Variants in ACTN3 observed in about 807,000 individuals in gnomAD.
ACTN3 encodes the protein alpha-actinin-3.
A neutral mutation model predicts 119.6 loss-of-function variants in ACTN3; 91 were observed. The ratio of observed to expected loss-of-function variants is 0.76; its 90% confidence interval spans 0.64 to 0.91. The LOEUF is 0.91. Among genes scored for constraint, ACTN3 ranks in the 40% least tolerant of loss-of-function variants. The probability of loss-of-function intolerance (pLI) is 0.00; values close to 1 mark genes in which losing one functional copy is unlikely to be tolerated. For synonymous variants in ACTN3, 456 were observed against 478.8 expected (o/e 0.95, Z 0.62); for missense variants, 1,221 against 1,215.1 (o/e 1.00, Z -0.07).
chr11:66,547,394 AGG>A (rs112895239), intron 1 of ACTN3, among the ~76,000 whole-genome samples: 5,733 of 152,054 alleles, frequency 0.038, 329 homozygotes, highest in East Asian at 0.14. Flanking sequence ...GATCCAAGTT[AGG>A]GGGGGTTCAG....
At position 66,559,365 on chromosome 11, in the gene ACTN3, C is replaced by T; in HGVS notation, c.1406C>T (p.Ala469Val). 7 of 1,552,812 alleles carry T rather than the reference C, an allele frequency of 4.5e-6. No homozygotes were observed. Among genetic ancestry groups the T allele is most frequent in the South Asian group, 1.2e-5 (1 of 84,080 alleles). ...CACCAGGACCGCGTGGAGCACATTG[C>T]CGCGCTGGCCCAGGAGCTCAAGTAG... is the stretch of plus-strand genomic sequence containing the variant. ...AAHQDRVEHI[A>V]ALAQELNELD... The change falls in exon 12 of 21, where the codon GCC becomes GTC. Residue 469 changes from alanine (A) to valine (V), a missense_variant. Physicochemically the swap from Ala to Val is moderately conservative, Grantham distance 64. Coordinates refer to ENST00000513398, the MANE Select transcript of ACTN3 (RefSeq NM_001104.4).
chr11:66,562,265 T>G lies in ACTN3; in HGVS notation c.2331T>G (p.Asn777Lys), dbSNP rs1857796559. 1 of 1,613,692 alleles carries G rather than the reference T, an allele frequency of 6.2e-7. No individual in the cohort carries two copies. Among genetic ancestry groups the G allele is most frequent in the Non-Finnish European group, 8.5e-7 (1 of 1,179,820 alleles). The change falls in exon 19 of 21, where the codon AAT becomes AAG. Residue 777 changes from asparagine (N) to lysine (K), a missense_variant. Physicochemically the swap from Asn to Lys is moderately conservative, Grantham distance 94. Around this residue, in one of 3 missense-constraint regions of ACTN3, gnomAD observed 934 missense variants for 899.9 expected, o/e 1.04. Transcript: ENST00000513398. ...CCACTCACCCCCTACAGAAGCAGAA[T>G]GGGATGATGGAGCCTGATGACTTCC... ...ASFNHFDRKQ[N>K]GMMEPDDFRA... is the part of the protein sequence containing the mutation.
chr11:66,555,471 ACCACCC>A, intron 7 of ACTN3, 104 bp downstream of exon 7: 1 of 1,119,634 alleles, frequency 8.9e-7, no homozygotes, highest in Non-Finnish European at 1.3e-6. Context: ...GGATGCTCCG[ACCACCC>A]CCACCCCACT....
At chr11:66,560,100 G>A (rs779173574) in intron 13 of ACTN3, 24 bp downstream of exon 13, 130 of 1,549,442 alleles carry the variant, frequency 8.4e-5, no homozygotes, top group Non-Finnish European at 1.1e-4. Flanking sequence ...CCGGGGAGCT[G>A]GGGGGTGGGT....
upstream of ACTN3, chr11:66,546,888 C>T (rs758220151): frequency 1.3e-5 from 19 of 1,515,874 alleles, no homozygotes; most frequent in African/African-American, 1.2e-4. Flanking sequence ...TAATGGGGCC[C>T]GGGTGTCCGA....
intron 8 of ACTN3, among the ~76,000 whole-genome samples, chr11:66,556,922 G>A (rs963842408): frequency 5.9e-5 from 9 of 152,046 alleles, no homozygotes; most frequent in East Asian, 3.9e-4. Context: ...CACCACGCCC[G>A]GCCAATTTTT....
Position 66,555,286 on chromosome 11 carries a change from G to A in ACTN3, c.637G>A (p.Asp213Asn), listed in dbSNP as rs1381590156. The A allele has an allele frequency of 6.2e-6, 10 of 1,613,872 alleles. No homozygotes were observed. Among genetic ancestry groups the A allele is most frequent in the Non-Finnish European group, 8.5e-6 (10 of 1,179,942 alleles). The change falls in exon 7 of 21, where the codon GAT (aspartate) becomes AAT (asparagine). Residue 213 changes from aspartate to asparagine, a missense_variant and splice_region_variant. Asp to Asn is a conservative substitution (Grantham distance 23, BLOSUM62 1). Coordinates refer to ENST00000513398, the MANE Select transcript of ACTN3 (RefSeq NM_001104.4). ...ACCCTCCTCCCTTACACCCTTCTAG[G>A]ATGACCCCATCGGAAACCTGAACAC... is the stretch of plus-strand genomic sequence containing the variant. ...DLIDYAKLRKDDPIGNLNTAF... is the reference protein window; with the variant it reads ...DLIDYAKLRKNDPIGNLNTAF...
chr11:66,551,610 C>T lies in ACTN3; in HGVS notation c.345C>T (p.Ala115=), dbSNP rs1162334067. 1.9e-6 allele frequency: 3 copies of T among 1,613,864 alleles called. No individual in the cohort carries two copies. The highest frequency in any genetic ancestry group is 2.5e-6 in the Non-Finnish European group (3 of 1,180,048). Reference sequence around the variant, plus strand: ...TTAACAAGGCCCTGGACTTCATTGCCAGCAAGGGGGTTAAACTGGTGTCCA... The same window carrying T: ...TTAACAAGGCCCTGGACTTCATTGCTAGCAAGGGGGTTAAACTGGTGTCCA... ...ANVNKALDFI[A]SKGVKLVSIG... The change falls in exon 3 of 21, where the codon GCC becomes GCT. Residue 115 remains alanine, a synonymous_variant. Coordinates refer to ENST00000513398, the MANE Select transcript of ACTN3 (RefSeq NM_001104.4).
intron 3 of ACTN3, among the ~76,000 whole-genome samples, chr11:66,553,583 A>G (rs1244615781): frequency 6.6e-6 from 1 of 151,008 alleles, no homozygotes. Flanking sequence ...AAAGAAAAGA[A>G]AAAGAGGCCA....
chr11:66,559,751 A>C, intron 12 of ACTN3, among the ~76,000 whole-genome samples: 1 of 116,474 alleles, frequency 8.6e-6, no homozygotes, highest in African/African-American at 3.4e-5. Context: ...CCACCCAAGC[A>C]CCTCCATGGA....
intron 11 of ACTN3, 111 bp downstream of exon 11, chr11:66,558,285 G>C: frequency 6.8e-7 from 1 of 1,463,290 alleles, no homozygotes. Context: ...TAGGTGCTCT[G>C]CAGGAAAGCC....
At chr11:66,559,106 C>A in intron 11 of ACTN3, 130 bp from the exon 12 acceptor site, 3 of 1,009,704 alleles carry the variant, frequency 3.0e-6, no homozygotes, top group Non-Finnish European at 4.0e-6. Context: ...CGCCGCAGAG[C>A]AAATCCCTAG....
At chr11:66,546,407 G>T, upstream of ACTN3, 1 of 805,032 alleles carries the variant, frequency 1.2e-6, no homozygotes, top group Non-Finnish European at 1.9e-6. Context: ...TAGCCCTGCC[G>T]CAGCCCATCC....
At position 66,557,184 on chromosome 11, in the gene ACTN3, A is replaced by C; in HGVS notation, c.856A>C (p.Asn286His). 6.4e-7 allele frequency: 1 copy of C among 1,553,994 alleles called. No individual in the cohort carries two copies. Residue 286 changes from asparagine (N) to histidine (H), a missense_variant, in exon 9 of 21, where the codon AAC becomes CAC. Physicochemically the swap from Asn to His is moderately conservative, Grantham distance 68. This residue lies in a region of ACTN3 where 934 missense variants were observed against 899.9 expected (regional missense o/e 1.04). Transcript: ENST00000513398. ...CAAGGTGCTGGCAGTGAACCAGGAA[A>C]ACGAGAAGCTGATGGAGGAGTATGA... ...ICKVLAVNQE[N>H]EKLMEEYEKL...
At chr11:66,552,601 A>T (rs1250767753) in intron 3 of ACTN3, among the ~76,000 whole-genome samples, 1 of 152,082 alleles carries the variant, frequency 6.6e-6, no homozygotes, top group African/African-American at 2.4e-5. Flanking sequence ...TCACCCCTGT[A>T]TTCTCGCACT....
chr11:66,561,073 A>G lies in ACTN3; in HGVS notation c.1861-154A>G, dbSNP rs3782080. ...TGCAGATGAGAAAACTGAAGCCCACATGGGTTAGTGACTTGCCCAAGAGCT... is the reference window on the plus strand; with the variant it reads ...TGCAGATGAGAAAACTGAAGCCCACGTGGGTTAGTGACTTGCCCAAGAGCT... On this transcript the variant is annotated intron_variant, in intron 15 of 20. Coordinates refer to ENST00000513398, the MANE Select transcript of ACTN3 (RefSeq NM_001104.4). 1,575 of 616,072 alleles carry G rather than the reference A, an allele frequency of 2.6e-3. 88 individuals carry two copies. The East Asian group carries it at 0.14, about 55-fold the overall frequency. The allele number at this position is 616,072 out of a possible 1,614,324, so 38.2% of individuals were successfully genotyped here. A position where few individuals can be genotyped will look rare whatever the true frequency, so the allele number is the denominator to read the frequency against.
At chr11:66,555,241 C>T in intron 6 of ACTN3, 33 bp downstream of exon 6, 1 of 1,614,020 alleles carries the variant, frequency 6.2e-7, no homozygotes, top group Non-Finnish European at 8.5e-7. Flanking sequence ...CCCAAGGCCT[C>T]TGCCTGCAGC....
At chr11:66,554,024 C>A in intron 3 of ACTN3, 21 bp from the exon 4 acceptor site, 1 of 1,610,394 alleles carries the variant, frequency 6.2e-7, no homozygotes, top group South Asian at 1.1e-5. Flanking sequence ...GCAAATCTGT[C>A]CCCTGACCCC....
intron 4 of ACTN3, 80 bp from the exon 5 acceptor site, chr11:66,554,456 C>CAAAA (rs574346914): frequency 6.7e-5 from 57 of 851,648 alleles, no homozygotes; most frequent in Middle Eastern, 2.8e-4. Context: ...GACCCTGTCT[C>CAAAA]AAAAAAAAAA....
Sources: allele counts gnomAD v4.1 joint callset (sites outside exome capture counted in the v4.1 genomes callset), GRCh38; gene constraint gnomAD v4.1.1; regional missense constraint gnomAD v4.1.1; transcripts MANE v1.5; gene names NCBI Gene and HGNC (gene_info 2026-07-23, HGNC 2026-07-21).